AGBL1: variants seen among roughly 807,000 people sequenced by gnomAD.
The protein encoded by AGBL1 is AGBL carboxypeptidase 1.
AGBL1 carries 130 observed loss-of-function variants against 118.9 expected under a neutral mutation model. The ratio of observed to expected loss-of-function variants is 1.09; its 90% CI spans 0.95 to 1.26. The LOEUF (loss-of-function observed/expected upper bound fraction) is 1.26. Ranked by LOEUF, AGBL1 falls within the 50% of genes most tolerant of loss-of-function variation. The pLI, the probability that AGBL1 is intolerant of heterozygous loss-of-function variation, is 0.00. For synonymous variants in AGBL1, 555 were observed against 478.9 expected (o/e 1.16, Z -2.08); for missense variants, 1,584 against 1,298.1 (o/e 1.22, Z -3.38).
In AGBL1 at chr15:86,425,138, C is replaced by G. The variant is rs898764301; in HGVS notation, c.2555+27592C>G. ...CACAATAGCAAACACTTGGAACCAA[C>G]CCAAATGCCCATCAGTGATAGGCTG... is the stretch of plus-strand genomic sequence containing the variant. On this transcript the variant is annotated intron_variant, in intron 18 of 22. Transcript: ENST00000614907. 2.0e-4 allele frequency among the ~76,000 whole-genome samples: 31 copies of G among 152,308 alleles called. No homozygotes were observed. In the East Asian group the frequency reaches 5.8e-3, roughly 28 times the overall value.
chr15:86,706,027 C>T (rs974502594), intron 22 of AGBL1, among the ~76,000 whole-genome samples: 1 of 151,988 alleles, frequency 6.6e-6, no homozygotes, highest in African/African-American at 2.4e-5. Context: ...TAATTCAAGA[C>T]ATGAGATCTA....
rs2079413877 is a variant in AGBL1, at chr15:86,852,018, A to G, written c.3159-55069A>G. On this transcript the variant is annotated intron_variant, in intron 22 of 22. Coordinates refer to ENST00000614907, the MANE Select transcript of AGBL1 (RefSeq NM_001386094.1). ...TGGCAGCTACTGCAGGGGAACTACTACATAAACACTGTTGGATGGATGAAT... is the reference window on the plus strand; with the variant it reads ...TGGCAGCTACTGCAGGGGAACTACTGCATAAACACTGTTGGATGGATGAAT... Among the ~76,000 whole-genome samples, 3 of 152,168 alleles carry G rather than the reference A, an allele frequency of 2.0e-5. No homozygotes were observed. In the South Asian group the frequency reaches 6.2e-4, roughly 32 times the overall value.
chr15:86,490,208 A>G (rs552520761), intron 18 of AGBL1, among the ~76,000 whole-genome samples: 72 of 152,184 alleles, frequency 4.7e-4, no homozygotes, highest in African/African-American at 1.7e-3. Context: ...CTCTGCTGAA[A>G]GTAACATAAT....
chr15:86,495,108 C>CTG (rs1289854469), intron 18 of AGBL1, among the ~76,000 whole-genome samples: 5 of 150,448 alleles, frequency 3.3e-5, no homozygotes, highest in Non-Finnish European at 7.4e-5. Flanking sequence ...CGCTCACTCT[C>CTG]TCTCTCTCTC....
chr15:86,398,648 TTAAAA>T (rs773371122), intron 18 of AGBL1, among the ~76,000 whole-genome samples: 29 of 152,110 alleles, frequency 1.9e-4, no homozygotes, highest in African/African-American at 5.3e-4. Flanking sequence ...TGAAAATGAC[TTAAAA>T]TAAATAAGAA....
At chr15:86,480,597 T>C (rs2082638085) in intron 18 of AGBL1, among the ~76,000 whole-genome samples, 1 of 152,054 alleles carries the variant, frequency 6.6e-6, no homozygotes, top group African/African-American at 2.4e-5. Context: ...GATGTCATCC[T>C]TTTAAAAAGT....
At chr15:86,773,649 TAAAA>T (rs1279139185) in intron 22 of AGBL1, among the ~76,000 whole-genome samples, 1 of 150,980 alleles carries the variant, frequency 6.6e-6, no homozygotes, top group Non-Finnish European at 1.5e-5. Context: ...AGTATAATAA[TAAAA>T]AAAGAAAGTG....
chr15:86,540,875 A>G (rs1734717786), intron 19 of AGBL1, among the ~76,000 whole-genome samples: 2 of 152,216 alleles, frequency 1.3e-5, no homozygotes, highest in South Asian at 2.1e-4. Flanking sequence ...TGTGGCTACT[A>G]GAACTCACCA....
At chr15:86,496,932 C>T (rs558464649) in intron 18 of AGBL1, among the ~76,000 whole-genome samples, 270 of 152,044 alleles carry the variant, frequency 1.8e-3, no homozygotes, top group African/African-American at 5.5e-3. Flanking sequence ...AATATACTTA[C>T]GGTGTACGAC....
At chr15:86,484,920 C>A (rs940769809) in intron 18 of AGBL1, among the ~76,000 whole-genome samples, 6 of 152,160 alleles carry the variant, frequency 3.9e-5, no homozygotes, top group African/African-American at 1.4e-4. Context: ...TTTACCTTTT[C>A]TACATGCCCC....
chr15:86,836,495 T>C (rs751610489), intron 22 of AGBL1, among the ~76,000 whole-genome samples: 6 of 152,188 alleles, frequency 3.9e-5, no homozygotes, highest in Non-Finnish European at 8.8e-5. Flanking sequence ...TAACTTACCT[T>C]TCAGATTCTA....
At chr15:86,163,818 T>C (rs543379461) in intron 5 of AGBL1, among the ~76,000 whole-genome samples, 72 of 152,360 alleles carry the variant, frequency 4.7e-4, no homozygotes, top group African/African-American at 1.7e-3. Context: ...TAGTAATGAA[T>C]GAAAGCCAGA....
chr15:86,133,039 T>A (rs947569437), intron 1 of AGBL1, among the ~76,000 whole-genome samples: 2 of 152,248 alleles, frequency 1.3e-5, no homozygotes, highest in African/African-American at 4.8e-5. Context: ...TTTATTATGG[T>A]ATTTCTAACC....
At chr15:86,522,144 TC>T (rs1451494819) in intron 18 of AGBL1, among the ~76,000 whole-genome samples, 1 of 152,016 alleles carries the variant, frequency 6.6e-6, no homozygotes, top group Non-Finnish European at 1.5e-5. Flanking sequence ...ACATCATCAT[TC>T]CCCCAAATAA....
At chr15:86,402,958 C>G (rs2081469632) in intron 18 of AGBL1, among the ~76,000 whole-genome samples, 2 of 152,284 alleles carry the variant, frequency 1.3e-5, no homozygotes, top group African/African-American at 4.8e-5. Context: ...GGGCTGAGTT[C>G]TAAGTAAATC....
chr15:86,325,691 A>C (rs1052408449), intron 17 of AGBL1, among the ~76,000 whole-genome samples: 1 of 152,150 alleles, frequency 6.6e-6, no homozygotes, highest in African/African-American at 2.4e-5. Flanking sequence ...AGCATCGAAC[A>C]GTTAATCTCC....
intron 23 of AGBL1, among the ~76,000 whole-genome samples, chr15:86,931,324 A>G (rs910051476): frequency 2.6e-5 from 4 of 152,074 alleles, no homozygotes; most frequent in African/African-American, 9.7e-5. Context: ...ACGTTTAACA[A>G]CCCTTGTTTG....
chr15:86,711,157 C>T (rs1219588149), intron 22 of AGBL1, among the ~76,000 whole-genome samples: 1 of 152,084 alleles, frequency 6.6e-6, no homozygotes, highest in Non-Finnish European at 1.5e-5. Flanking sequence ...ACTCTTGAGC[C>T]GTTGGTACCT....
At chr15:86,527,468 A>G (rs886162742) in intron 19 of AGBL1, among the ~76,000 whole-genome samples, 5 of 152,198 alleles carry the variant, frequency 3.3e-5, no homozygotes, top group Non-Finnish European at 5.9e-5. Flanking sequence ...AATGCTGTTC[A>G]CAGTGTTACA....
Sources: allele counts gnomAD v4.1 joint callset (sites outside exome capture counted in the v4.1 genomes callset), GRCh38; gene constraint gnomAD v4.1.1; transcripts MANE v1.5; gene names NCBI Gene and HGNC (gene_info 2026-07-23, HGNC 2026-07-21).